IQSEC1: variants seen among roughly 807,000 people sequenced by gnomAD.
IQSEC1 encodes IQ motif and Sec7 domain ArfGEF 1, also known as IQ motif and SEC7 domain-containing protein 1.
IQSEC1 carries 31 observed loss-of-function variants against 91.0 expected under a neutral mutation model. The observed-to-expected ratio is 0.34, with a 90% confidence interval of 0.26 to 0.46. The LOEUF (loss-of-function observed/expected upper bound fraction) is 0.46. Among genes scored for constraint, IQSEC1 ranks in the 20% least tolerant of loss-of-function variants. The pLI, the probability that IQSEC1 is intolerant of heterozygous loss-of-function variation, is 1.00. For synonymous variants in IQSEC1, 699 were observed against 662.6 expected (o/e 1.05, Z -0.84); for missense variants, 1,388 against 1,575.6 (o/e 0.88, Z 2.02).
At chr3:13,025,911 C>T (rs1301654421) in intron 1 of IQSEC1, among the ~76,000 whole-genome samples, 1 of 152,216 alleles carries the variant, frequency 6.6e-6, no homozygotes, top group Admixed American at 6.5e-5. Flanking sequence ...GTGGCCCCCA[C>T]TCCATCACAA....
intron 1 of IQSEC1, among the ~76,000 whole-genome samples, chr3:13,227,714 G>T (rs1328355212): frequency 9.9e-5 from 15 of 152,200 alleles, no homozygotes; most frequent in Admixed American, 9.8e-4. Flanking sequence ...GGCTGGAGGG[G>T]CAGATTCCGA....
At chr3:12,907,853 T>C (rs1695144546) in intron 12 of IQSEC1, among the ~76,000 whole-genome samples, 1 of 152,196 alleles carries the variant, frequency 6.6e-6, no homozygotes, top group Admixed American at 6.5e-5. Flanking sequence ...CTCAATGGCC[T>C]CTGGGCTGGA....
At chr3:13,102,798 A>G (rs1010427344) in intron 2 of IQSEC1, among the ~76,000 whole-genome samples, 1 of 152,096 alleles carries the variant, frequency 6.6e-6, no homozygotes, top group African/African-American at 2.4e-5. Context: ...TGTAAGCTCC[A>G]GGAGGCGGGT....
intron 1 of IQSEC1, among the ~76,000 whole-genome samples, chr3:12,954,149 G>A (rs1699746388): frequency 6.6e-6 from 1 of 152,206 alleles, no homozygotes; most frequent in South Asian, 2.1e-4. Context: ...CCCCAGCCCA[G>A]GCCTCGCTCC....
At chr3:13,161,689 CA>C (rs1707179461) in intron 2 of IQSEC1, among the ~76,000 whole-genome samples, 1 of 152,216 alleles carries the variant, frequency 6.6e-6, no homozygotes, top group Non-Finnish European at 1.5e-5. Context: ...TTAGCCTCAG[CA>C]ACACTGTCTA....
chr3:13,113,527 G>A (rs938802200), intron 2 of IQSEC1, among the ~76,000 whole-genome samples: 11 of 152,210 alleles, frequency 7.2e-5, no homozygotes, highest in East Asian at 1.9e-4. Flanking sequence ...TGCACCTGCC[G>A]CCCCTCAGGA....
At chr3:12,926,045 C>T (rs1204179538) in intron 3 of IQSEC1, among the ~76,000 whole-genome samples, 1 of 152,098 alleles carries the variant, frequency 6.6e-6, no homozygotes, top group Non-Finnish European at 1.5e-5. Flanking sequence ...GAGTGGTGGC[C>T]CACACCTGTA....
intron 2 of IQSEC1, among the ~76,000 whole-genome samples, chr3:13,096,033 T>C (rs1705949425): frequency 6.6e-6 from 1 of 152,134 alleles, no homozygotes; most frequent in African/African-American, 2.4e-5. Flanking sequence ...CATCCTTGGT[T>C]CCTCCTGCCT....
chr3:13,019,815 C>A (rs1285632227), intron 1 of IQSEC1, among the ~76,000 whole-genome samples: 1 of 152,194 alleles, frequency 6.6e-6, no homozygotes, highest in Non-Finnish European at 1.5e-5. Context: ...GCTCGTGACA[C>A]CCCTGTGAAG....
At chr3:13,242,725 G>T (rs532693889) in intron 1 of IQSEC1, among the ~76,000 whole-genome samples, 80 of 152,318 alleles carry the variant, frequency 5.3e-4, no homozygotes, top group African/African-American at 1.9e-3. Context: ...TCAATAAAGT[G>T]GCTCACCTGA....
At chr3:13,100,661 A>T (rs1193633048) in intron 2 of IQSEC1, among the ~76,000 whole-genome samples, 2 of 148,720 alleles carry the variant, frequency 1.3e-5, no homozygotes, top group Non-Finnish European at 3.0e-5. Flanking sequence ...AATCCAGCAA[A>T]ACCCAGAATT....
rs1381051659 is a variant in IQSEC1, at chr3:13,181,237, C to G, written c.273-17104G>C. On this transcript the variant is annotated intron_variant, in intron 1 of 15. Transcript: ENST00000648114. The stretch of plus-strand genomic sequence containing the variant: ...AGTGAGCCAAGATCACGCCACTGCA[C>G]TCCAGACTGGGCGACAGAGCGAGAC... 5.3e-5 allele frequency among the ~76,000 whole-genome samples: 8 copies of G among 152,224 alleles called. No homozygotes were observed. In the East Asian group the frequency reaches 1.5e-3, roughly 29 times the overall value.
At chr3:13,147,528 T>C (rs1487634541) in intron 2 of IQSEC1, among the ~76,000 whole-genome samples, 1 of 152,236 alleles carries the variant, frequency 6.6e-6, no homozygotes, top group Non-Finnish European at 1.5e-5. Context: ...TAGTATTCCA[T>C]GGTGTAGACA....
At chr3:13,255,405 C>T (rs1005940402) in intron 1 of IQSEC1, among the ~76,000 whole-genome samples, 4 of 152,230 alleles carry the variant, frequency 2.6e-5, no homozygotes, top group African/African-American at 7.2e-5. Flanking sequence ...CTCCCACACG[C>T]AGGGCCTATG....
intron 1 of IQSEC1, among the ~76,000 whole-genome samples, chr3:12,946,029 G>A (rs1483677941): frequency 6.6e-6 from 1 of 152,164 alleles, no homozygotes; most frequent in Non-Finnish European, 1.5e-5. Flanking sequence ...TTCTTCCTGG[G>A]GCAGGAAGAA....
In IQSEC1 at chr3:13,193,291, C is replaced by T. The variant is rs902136218; in HGVS notation, c.273-29158G>A. Among the ~76,000 whole-genome samples, 8 of 152,216 alleles carry T rather than the reference C, an allele frequency of 5.3e-5. No individual in the cohort carries two copies. Among genetic ancestry groups the T allele is most frequent in the Admixed American group, 4.6e-4 (7 of 15,286 alleles). On this transcript the variant is annotated intron_variant, in intron 1 of 15. Transcript: ENST00000648114. The surrounding 1 kb of genome is among the most constrained non-coding windows in gnomAD (Gnocchi z 4.2). ...ACAGCTTCAGCCCCACTGATGACTG[C>T]GCTTCTGAGCCATTTCCGGCCTGTG...
chr3:13,250,156 G>A (rs540248088), intron 1 of IQSEC1, among the ~76,000 whole-genome samples: 2 of 152,286 alleles, frequency 1.3e-5, no homozygotes, highest in East Asian at 3.9e-4. Flanking sequence ...GGCTTTCAGG[G>A]GACACAGCAA....
intron 1 of IQSEC1, among the ~76,000 whole-genome samples, chr3:13,043,167 G>A (rs1029236412): frequency 6.6e-6 from 1 of 152,174 alleles, no homozygotes; most frequent in Non-Finnish European, 1.5e-5. Flanking sequence ...GGAGGGGAGC[G>A]GCTGAGCTGC....
At chr3:13,043,359 G>C (rs1704359552) in intron 1 of IQSEC1, among the ~76,000 whole-genome samples, 1 of 152,084 alleles carries the variant, frequency 6.6e-6, no homozygotes, top group African/African-American at 2.4e-5. Flanking sequence ...ACCCTCCCAT[G>C]GCCCATTTCC....
Sources: allele counts gnomAD v4.1 joint callset (sites outside exome capture counted in the v4.1 genomes callset), GRCh38; gene constraint gnomAD v4.1.1; non-coding constraint Gnocchi (gnomAD v3.1); transcripts MANE v1.5; gene names NCBI Gene and HGNC (gene_info 2026-07-23, HGNC 2026-07-21).